VWA3A: variants seen among roughly 807,000 people sequenced by gnomAD.
The protein encoded by VWA3A is von Willebrand factor A domain-containing protein 3A.
In VWA3A, 134 loss-of-function variants were observed where a neutral mutation model predicts 160.4. The observed-to-expected ratio is 0.84, with a 90% confidence interval of 0.73 to 0.96. The LOEUF (loss-of-function observed/expected upper bound fraction) is 0.96, where lower values mean the gene tolerates loss of function less well. VWA3A is among the 40% of genes least tolerant of loss of function. The probability of loss-of-function intolerance (pLI) is 0.00; values close to 1 mark genes in which losing one functional copy is unlikely to be tolerated. For missense variants in VWA3A, 1,310 were observed against 1,447.9 expected (o/e 0.90, Z 1.55); for synonymous variants, 476 against 543.4 (o/e 0.88, Z 1.72).
chr16:22,132,751 C>G (rs2045970718), intron 19 of VWA3A, 149 bp from the exon 20 acceptor site: 1 of 735,836 alleles, frequency 1.4e-6, no homozygotes, highest in African/African-American at 1.8e-5. Context: ...GAAACTGCAA[C>G]CCAGCCTCAT....
At chr16:22,131,487 C>T (rs2045947115) in intron 18 of VWA3A, 98 bp from the exon 19 acceptor site, 1 of 1,548,352 alleles carries the variant, frequency 6.5e-7, no homozygotes, top group Non-Finnish European at 8.7e-7. Flanking sequence ...ACATCGACTC[C>T]ATCACGTCTG....
intron 29 of VWA3A, 137 bp from the exon 30 acceptor site, chr16:22,150,558 C>A: frequency 2.8e-6 from 3 of 1,065,908 alleles, no homozygotes; most frequent in Non-Finnish European, 4.0e-6. Context: ...GAATCTCAGT[C>A]TTTTTGAACA....
rs192234879 is a variant in VWA3A, at chr16:22,142,672, A to G, written c.2499A>G (p.Ser833=). 38 of 1,563,434 alleles carry G rather than the reference A, an allele frequency of 2.4e-5. No homozygotes were observed. The highest frequency in any genetic ancestry group is 1.7e-4 in the Middle Eastern group (1 of 5,998). The change falls in exon 25 of 34, where the codon TCA becomes TCG. Residue 833 remains serine (S), a synonymous_variant. Transcript: ENST00000389398. The stretch of plus-strand genomic sequence containing the variant: ...ACCTCACTCTGCTTCTTCTAGGCTC[A>G]GTGTACAAGAAGTACCCTCAAGGAA... ...FYTEKGNDVG[S]VYKKYPQGRG...
chr16:22,118,858 T>C (rs762360183), intron 11 of VWA3A, 44 bp from the exon 12 acceptor site: 7 of 1,611,014 alleles, frequency 4.3e-6, no homozygotes, highest in Non-Finnish European at 5.1e-6. Flanking sequence ...CCCCTGCAGG[T>C]AGTCAAGTGA....
intron 6 of VWA3A, among the ~76,000 whole-genome samples, chr16:22,105,323 G>A (rs1211842801): frequency 3.3e-5 from 5 of 152,198 alleles, no homozygotes; most frequent in Admixed American, 1.3e-4. Context: ...CCATGGAAGA[G>A]CCCAGGGAAA....
At chr16:22,103,313 C>T (rs554193063) in intron 5 of VWA3A, among the ~76,000 whole-genome samples, 162 bp from the exon 6 acceptor site, 3 of 152,190 alleles carry the variant, frequency 2.0e-5, no homozygotes, top group Admixed American at 1.3e-4. Context: ...CGACTACAGG[C>T]GTGCACTACA....
At chr16:22,096,714 C>A in intron 1 of VWA3A, 145 bp from the exon 2 acceptor site, 1 of 580,546 alleles carries the variant, frequency 1.7e-6, no homozygotes, top group Non-Finnish European at 3.1e-6. Flanking sequence ...CACTGTACTC[C>A]AGCCTGGGCA....
intron 30 of VWA3A, among the ~76,000 whole-genome samples, chr16:22,151,729 A>G (rs1172887097): frequency 6.6e-6 from 1 of 152,050 alleles, no homozygotes; most frequent in African/African-American, 2.4e-5. Context: ...AAAAATGTGA[A>G]AAAGAACACA....
chr16:22,129,542 G>A (rs1232940496), intron 17 of VWA3A, among the ~76,000 whole-genome samples: 2 of 152,114 alleles, frequency 1.3e-5, no homozygotes, highest in Non-Finnish European at 2.9e-5. Flanking sequence ...ATCTCTGAAG[G>A]GAAAGATGGT....
intron 5 of VWA3A, 132 bp from the exon 6 acceptor site, chr16:22,103,343 C>T: frequency 1.3e-6 from 1 of 796,858 alleles, no homozygotes; most frequent in Middle Eastern, 2.6e-4. Context: ...AAAGGTTCAC[C>T]ACCTTCTTCC....
chr16:22,139,354 C>T (rs1279060114), intron 22 of VWA3A, among the ~76,000 whole-genome samples: 1 of 152,104 alleles, frequency 6.6e-6, no homozygotes, highest in Non-Finnish European at 1.5e-5. Context: ...GTTTAATGAC[C>T]GCCACACTCC....
chr16:22,116,698 C>T lies in VWA3A; in HGVS notation c.816-61C>T, dbSNP rs1044806534. Reference sequence around the variant, plus strand: ...GTTCCTTGGGAATTACCGTTTTGCTCTGGAATGTTCTCAAAGTGGTCTGAC... The same window carrying T: ...GTTCCTTGGGAATTACCGTTTTGCTTTGGAATGTTCTCAAAGTGGTCTGAC... On this transcript the variant is annotated intron_variant, in intron 9 of 33. Transcript: ENST00000389398. The T allele has an allele frequency of 4.5e-6, 6 of 1,345,866 alleles. No individual in the cohort carries two copies. In the African/African-American group the frequency reaches 8.6e-5, roughly 19 times the overall value. 83.4% of individuals were successfully genotyped at this position (1,345,866 alleles called of 1,614,324 possible).
intron 21 of VWA3A, among the ~76,000 whole-genome samples, chr16:22,137,592 G>T (rs1164548007): frequency 6.6e-6 from 1 of 152,234 alleles, no homozygotes; most frequent in African/African-American, 2.4e-5. Context: ...GCAGAGAAAA[G>T]AAGTTTAATT....
At chr16:22,108,851 G>C (rs182451011) in intron 6 of VWA3A, among the ~76,000 whole-genome samples, 1 of 152,216 alleles carries the variant, frequency 6.6e-6, no homozygotes, top group East Asian at 1.9e-4. Context: ...ACTTATGATG[G>C]GTTTATCAGG....
chr16:22,092,694 G>T, intron 1 of VWA3A, 43 bp downstream of exon 1: 1 of 1,549,684 alleles, frequency 6.5e-7, no homozygotes, highest in Non-Finnish European at 8.7e-7. Flanking sequence ...TGGTGAGAGG[G>T]TGTCGGGGAG....
intron 22 of VWA3A, 100 bp from the exon 23 acceptor site, chr16:22,140,047 GCTCCTCC>G (rs2046115581): frequency 9.3e-7 from 1 of 1,076,548 alleles, no homozygotes; most frequent in Non-Finnish European, 1.4e-6. Flanking sequence ...CCTCCCTTAG[GCTCCTCC>G]CTACAAAAGT....
rs778974034 is a variant in VWA3A at position 22,123,711 on chromosome 16, C to A, written c.1532+4C>A. ...GGGGCACAGTCTGTGAAAAAAGGTA[C>A]CTTTCTTAAGCAGGGTTCTTATCCT... On this transcript the variant is annotated splice_donor_region_variant and intron_variant, in intron 16 of 33. Coordinates refer to ENST00000389398, the MANE Select transcript of VWA3A (RefSeq NM_173615.5). The A allele has an allele frequency of 3.1e-6, 5 of 1,612,644 alleles. No homozygotes were observed. The highest frequency in any genetic ancestry group is 4.5e-5 in the East Asian group (2 of 44,874).
At chr16:22,132,451 G>C (rs955387722) in intron 19 of VWA3A, among the ~76,000 whole-genome samples, 1 of 152,076 alleles carries the variant, frequency 6.6e-6, no homozygotes, top group African/African-American at 2.4e-5. Flanking sequence ...AGGAGGCTGA[G>C]GCAGAAGGAT....
chr16:22,135,401 C>T (rs985772921), intron 21 of VWA3A, among the ~76,000 whole-genome samples: 3 of 152,128 alleles, frequency 2.0e-5, no homozygotes, highest in Admixed American at 6.6e-5. Context: ...TAAGGACCTG[C>T]GCTACTCCAA....
Sources: allele counts gnomAD v4.1 joint callset (sites outside exome capture counted in the v4.1 genomes callset), GRCh38; gene constraint gnomAD v4.1.1; transcripts MANE v1.5; gene names NCBI Gene and HGNC (gene_info 2026-07-23, HGNC 2026-07-21).